Variants in TTC17 observed in about 807,000 individuals in gnomAD.
TTC17 encodes tetratricopeptide repeat domain 17.
In TTC17, 58 loss-of-function variants were observed where a neutral mutation model predicts 143.8. The observed-to-expected ratio is 0.40, with a 90% CI of 0.33 to 0.50. The LOEUF (loss-of-function observed/expected upper bound fraction) is 0.50. TTC17 is among the 20% of genes least tolerant of loss of function. The probability of loss-of-function intolerance (pLI) is 0.49; values close to 1 mark genes in which losing one functional copy is unlikely to be tolerated. For missense variants in TTC17, 1,273 were observed against 1,392.5 expected, an observed-to-expected ratio of 0.91 and a Z score of 1.37; for synonymous variants, 501 against 497.8, an observed-to-expected ratio of 1.01 and a Z score of -0.09.
chr11:43,459,026 G>C (rs1198529419), intron 21 of TTC17, among the ~76,000 whole-genome samples: 1 of 152,086 alleles, frequency 6.6e-6, no homozygotes, highest in Non-Finnish European at 1.5e-5. Context: ...CGGGGGTCTT[G>C]GAACATATTC....
intron 21 of TTC17, among the ~76,000 whole-genome samples, chr11:43,457,144 G>A (rs1266583145): frequency 6.6e-6 from 1 of 152,004 alleles, no homozygotes; most frequent in Admixed American, 6.5e-5. Context: ...GCACTCTGGG[G>A]ATTCTGATTA....
intron 16 of TTC17, among the ~76,000 whole-genome samples, chr11:43,429,844 T>C (rs1947114492): frequency 6.6e-6 from 1 of 152,210 alleles, no homozygotes; most frequent in South Asian, 2.1e-4. Flanking sequence ...TATATCGGAA[T>C]GCTTCCTGTA....
At chr11:43,372,310 G>GTT (rs1271922764) in intron 1 of TTC17, among the ~76,000 whole-genome samples, 1 of 144,710 alleles carries the variant, frequency 6.9e-6, no homozygotes, top group Non-Finnish European at 1.5e-5. Flanking sequence ...AGGTTCATGG[G>GTT]TTTTTTTTTT....
At chr11:43,413,632 A>C (rs2134619805) in intron 15 of TTC17, among the ~76,000 whole-genome samples, 1 of 152,210 alleles carries the variant, frequency 6.6e-6, no homozygotes, top group South Asian at 2.1e-4. Flanking sequence ...CCTTAAGGGC[A>C]ACCTAATTCC....
At chr11:43,471,172 A>G (rs1948085279) in intron 21 of TTC17, among the ~76,000 whole-genome samples, 2 of 152,136 alleles carry the variant, frequency 1.3e-5, no homozygotes, top group South Asian at 4.1e-4. Flanking sequence ...GTGGCCCTAG[A>G]CTTGCATCAA....
rs1947471111 is a variant in TTC17, at chr11:43,443,537, T to G, written c.2464T>G (p.Ser822Ala). The G allele has an allele frequency of 1.2e-6, 2 of 1,613,934 alleles. No individual in the cohort carries two copies. The highest frequency in any genetic ancestry group is 2.2e-5 in the South Asian group (2 of 91,068). The change falls in exon 17 of 24, where the codon TCT becomes GCT. Residue 822 changes from serine (S) to alanine (A), a missense_variant. Ser to Ala is a moderately conservative substitution (Grantham distance 99). Coordinates refer to ENST00000039989, the MANE Select transcript of TTC17 (RefSeq NM_018259.6). The stretch of plus-strand genomic sequence containing the variant: ...TCCCCAGGATGGAGTGGCCAGAAGC[T>G]CTTGCTATGGAGACTGCAGAAGTGA... Reference protein sequence around the residue: ...KGPQDGVARSSCYGDCRSEDD... With the variant: ...KGPQDGVARSACYGDCRSEDD...
At chr11:43,428,382 T>C (rs1204429828) in intron 16 of TTC17, among the ~76,000 whole-genome samples, 2 of 152,240 alleles carry the variant, frequency 1.3e-5, no homozygotes, top group Non-Finnish European at 2.9e-5. Context: ...AGTAAACTTA[T>C]AATGAATTTT....
chr11:43,436,760 C>T (rs1947302210), intron 16 of TTC17, among the ~76,000 whole-genome samples: 2 of 152,134 alleles, frequency 1.3e-5, no homozygotes, highest in Non-Finnish European at 2.9e-5. Flanking sequence ...TCAGAATTGC[C>T]AAAACGCATG....
At chr11:43,483,446 T>C (rs1437108698) in intron 21 of TTC17, among the ~76,000 whole-genome samples, 1 of 152,140 alleles carries the variant, frequency 6.6e-6, no homozygotes, top group African/African-American at 2.4e-5. Context: ...ACTCATGAAC[T>C]TAGGTATCAA....
chr11:43,457,408 C>T (rs751695921), intron 21 of TTC17, among the ~76,000 whole-genome samples: 3 of 151,450 alleles, frequency 2.0e-5, no homozygotes, highest in Non-Finnish European at 4.4e-5. Flanking sequence ...ACAGAAAGAC[C>T]AGAATACAAT....
intron 18 of TTC17, 100 bp from the exon 19 acceptor site, chr11:43,447,902 C>T: frequency 6.8e-7 from 1 of 1,471,060 alleles, no homozygotes; most frequent in Non-Finnish European, 9.2e-7. Context: ...ACTAGCACCT[C>T]CAAATACACC....
chr11:43,391,589 CT>C lies in TTC17; in HGVS notation c.531+16del. On this transcript the variant is annotated intron_variant, in intron 4 of 23. Coordinates refer to ENST00000039989, the MANE Select transcript of TTC17 (RefSeq NM_018259.6). ...TCAGCACTTGAGAGTAAGTAGAGAACTTTAGGATTTTTTTTTTTTTGCGTTG... is the reference window on the plus strand; with the variant it reads ...TCAGCACTTGAGAGTAAGTAGAGAACTTAGGATTTTTTTTTTTTTGCGTTG... 1 of 1,434,004 alleles carries C rather than the reference CT, an allele frequency of 7.0e-7. No homozygotes were observed. Among genetic ancestry groups the C allele is most frequent in the Non-Finnish European group, 9.3e-7 (1 of 1,076,640 alleles). The allele number at this position is 1,434,004 out of a possible 1,614,324, so 88.8% of individuals were successfully genotyped here. A position where few individuals can be genotyped will look rare whatever the true frequency, so the allele number is the denominator to read the frequency against.
chr11:43,442,008 T>G (rs1443224455), intron 16 of TTC17, among the ~76,000 whole-genome samples: 1 of 152,178 alleles, frequency 6.6e-6, no homozygotes, highest in Non-Finnish European at 1.5e-5. Flanking sequence ...TAGAGTGTAC[T>G]GTACTTACTT....
intron 9 of TTC17, among the ~76,000 whole-genome samples, chr11:43,401,085 A>G (rs16937485): frequency 0.05 from 7,661 of 152,280 alleles, 194 homozygotes; most frequent in African/African-American, 0.064. Flanking sequence ...GAGCTCTTAT[A>G]TATGCATTTG....
intron 1 of TTC17, among the ~76,000 whole-genome samples, chr11:43,360,335 C>T (rs1174697498): frequency 6.6e-6 from 1 of 152,198 alleles, no homozygotes; most frequent in Non-Finnish European, 1.5e-5. Flanking sequence ...AGAACAGTTT[C>T]CTTTTCATTG....
chr11:43,397,491 AG>A lies in TTC17; in HGVS notation c.918+1del. The A allele has an allele frequency of 6.2e-7, 1 of 1,607,088 alleles. No homozygotes were observed. The highest frequency in any genetic ancestry group is 8.5e-7 in the Non-Finnish European group (1 of 1,178,052). ...ATTACACTTTGGGGAATATATATGCAGTAAGTACTACTCTTTGTTTCATGAG... is the reference window on the plus strand; with the variant it reads ...ATTACACTTTGGGGAATATATATGCATAAGTACTACTCTTTGTTTCATGAG... On this transcript the variant is annotated splice_donor_variant, in intron 7 of 23. Coordinates refer to ENST00000039989, the MANE Select transcript of TTC17 (RefSeq NM_018259.6). LOFTEE classifies it high-confidence loss of function.
intron 18 of TTC17, chr11:43,445,855 G>C: frequency 1.3e-6 from 1 of 745,280 alleles, no homozygotes. Context: ...GAAAAATGGA[G>C]ATCATTAAGA....
chr11:43,451,319 T>A (rs1050418378), intron 21 of TTC17, 54 bp downstream of exon 21: 1 of 1,535,492 alleles, frequency 6.5e-7, no homozygotes, highest in African/African-American at 1.4e-5. Flanking sequence ...TAACTTCTTT[T>A]CTAAGTTATT....
intron 19 of TTC17, chr11:43,448,763 A>T (rs1003065322): frequency 6.6e-6 from 1 of 152,124 alleles, no homozygotes; most frequent in Non-Finnish European, 1.5e-5. Context: ...TCTAGATTGC[A>T]CTCAGGCAAC....
Sources: allele counts gnomAD v4.1 joint callset (sites outside exome capture counted in the v4.1 genomes callset), GRCh38; gene constraint gnomAD v4.1.1; transcripts MANE v1.5; gene names NCBI Gene and HGNC (gene_info 2026-07-23, HGNC 2026-07-21).